Variants in PARVA observed in about 807,000 individuals in gnomAD.
The protein encoded by PARVA is alpha-parvin.
A neutral mutation model predicts 52.6 loss-of-function variants in PARVA; 25 were observed. The ratio of observed to expected loss-of-function variants is 0.48; its 90% CI spans 0.35 to 0.66. PARVA has a LOEUF of 0.66. Ranked by LOEUF, PARVA falls within the 30% of genes least tolerant of loss-of-function variation. The probability of loss-of-function intolerance (pLI) is 0.01; values close to 1 mark genes in which losing one functional copy is unlikely to be tolerated. For missense variants in PARVA, 373 were observed against 450.9 expected (o/e 0.83, Z 1.56); for synonymous variants, 185 against 179.1 (o/e 1.03, Z -0.26).
At chr11:12,486,870 G>GA (rs1286447749) in intron 4 of PARVA, among the ~76,000 whole-genome samples, 1 of 152,098 alleles carries the variant, frequency 6.6e-6, no homozygotes, top group Non-Finnish European at 1.5e-5. Flanking sequence ...AATAAAGGAA[G>GA]AAGATGAAGC....
intron 12 of PARVA, among the ~76,000 whole-genome samples, chr11:12,519,591 A>C (rs1281317234): frequency 6.6e-6 from 1 of 152,196 alleles, no homozygotes; most frequent in Non-Finnish European, 1.5e-5. Context: ...TGATGGAGAC[A>C]GTGGGGCTCA....
chr11:12,496,345 A>AGCGTGCATGCATGCAT, intron 4 of PARVA, 113 bp from the exon 5 acceptor site: 1 of 861,990 alleles, frequency 1.2e-6, no homozygotes, highest in Non-Finnish European at 1.8e-6. Flanking sequence ...TATTGTTGCA[A>AGCGTGCATGCATGCAT]GAGTGCATGC....
Position 12,518,402 on chromosome 11 carries a change from CT to C in PARVA, c.970-42del, listed in dbSNP as rs781026785. ...TTCCCAGGGCCAGGTCCTGGGGCTCCTGGGTGTGCAATGGTACATGCTGTCT... is the reference window on the plus strand; with the variant it reads ...TTCCCAGGGCCAGGTCCTGGGGCTCCGGGTGTGCAATGGTACATGCTGTCT... On this transcript the variant is annotated intron_variant, in intron 11 of 12. Coordinates refer to ENST00000334956, the MANE Select transcript of PARVA (RefSeq NM_018222.5). The C allele has an allele frequency of 5.7e-5, 85 of 1,498,292 alleles. No homozygotes were observed. In the South Asian group the frequency reaches 8.8e-4, roughly 15 times the overall value. The allele number at this position is 1,498,292 out of a possible 1,614,324, so 92.8% of individuals were successfully genotyped here.
chr11:12,474,763 A>G (rs541104385), intron 3 of PARVA, among the ~76,000 whole-genome samples: 2 of 151,536 alleles, frequency 1.3e-5, no homozygotes, highest in Non-Finnish European at 2.9e-5. Flanking sequence ...AAAGTAGCCA[A>G]GTGTGGTGGC....
intron 12 of PARVA, among the ~76,000 whole-genome samples, chr11:12,527,532 T>C (rs1195874479): frequency 2.7e-5 from 4 of 148,850 alleles, no homozygotes; most frequent in Non-Finnish European, 5.9e-5. Context: ...GGTCTTCCAC[T>C]GCAGCCCCAG....
At chr11:12,526,687 A>G (rs769574782) in intron 12 of PARVA, among the ~76,000 whole-genome samples, 79 of 152,220 alleles carry the variant, frequency 5.2e-4, no homozygotes, top group Admixed American at 1.1e-3. Flanking sequence ...GAGTCCAGTC[A>G]TCAAGGTTTT....
rs768616767 is a variant in PARVA at position 12,504,360 on chromosome 11, T to C, written c.588T>C (p.Ala196=). 6.8e-6 allele frequency: 11 copies of C among 1,613,816 alleles called. No homozygotes were observed. The Admixed American group carries it at 8.3e-5, about 12-fold the overall frequency. The change falls in exon 6 of 13, where the codon GCT becomes GCC. Residue 196 remains alanine, a synonymous_variant. Transcript: ENST00000334956. ...TGGCCATCTTACACCTGCTCGTTGCTCTGTCTCAGTATTTCCGCGCACCAA... is the reference window on the plus strand; with the variant it reads ...TGGCCATCTTACACCTGCTCGTTGCCCTGTCTCAGTATTTCCGCGCACCAA... ...SLVAILHLLV[A]LSQYFRAPIR...
At chr11:12,391,906 T>A (rs541654899) in intron 1 of PARVA, among the ~76,000 whole-genome samples, 3 of 152,134 alleles carry the variant, frequency 2.0e-5, no homozygotes, top group Admixed American at 6.5e-5. Flanking sequence ...ATGGCATAAT[T>A]CAGTGGTCTT....
chr11:12,377,574 CCCG>C lies in PARVA; in HGVS notation c.-65_-63del. On this transcript the variant is annotated 5_prime_UTR_variant, in exon 1 of 13. Coordinates refer to ENST00000334956, the MANE Select transcript of PARVA (RefSeq NM_018222.5). The stretch of plus-strand genomic sequence containing the variant: ...CCGTTTGGAAAGCCGCAGCCTCAGT[CCCG>C]CCGCCGCCCGCTGCGTCCGCCCAGC... 2 of 1,496,962 alleles carry C rather than the reference CCCG, an allele frequency of 1.3e-6. No homozygotes were observed. The highest frequency in any genetic ancestry group is 1.5e-5 in the African/African-American group (1 of 68,314). 92.7% of individuals were successfully genotyped at this position (1,496,962 alleles called of 1,614,324 possible). A position where few individuals can be genotyped will look rare whatever the true frequency, so the allele number is the denominator to read the frequency against.
chr11:12,461,263 G>T (rs1478805741), intron 1 of PARVA, among the ~76,000 whole-genome samples: 2 of 152,094 alleles, frequency 1.3e-5, no homozygotes, highest in South Asian at 2.1e-4. Flanking sequence ...GGCTGTCCTT[G>T]GTTTAGGTGG....
rs1278910472 is a variant in PARVA at position 12,535,318 on chromosome 11, T to A, written c.*7393T>A. ...CTTTGTGTTTATGGATTAAATGGCT[T>A]TCTGACCAGCATCCCTTTGGTGTGC... is the stretch of plus-strand genomic sequence containing the variant. On this transcript the variant is annotated 3_prime_UTR_variant, in exon 13 of 13. Coordinates refer to ENST00000334956, the MANE Select transcript of PARVA (RefSeq NM_018222.5). Among the ~76,000 whole-genome samples, 1 of 152,236 alleles carries A rather than the reference T, an allele frequency of 6.6e-6. No homozygotes were observed. Among genetic ancestry groups the A allele is most frequent in the East Asian group, 1.9e-4 (1 of 5,198 alleles).
rs146878766 is a variant in PARVA, at chr11:12,380,327, C to T, written c.136+2544C>T. 9.2e-4 allele frequency among the ~76,000 whole-genome samples: 139 copies of T among 150,660 alleles called. 11 individuals are homozygous for T. The highest frequency in any genetic ancestry group is 3.1e-3 in the East Asian group (16 of 5,180). ...AACAGGAGGAAGCTCTTAATCACTCCGAGGCCTGAGGGACAAGGGAAGCAA... is the reference window on the plus strand; with the variant it reads ...AACAGGAGGAAGCTCTTAATCACTCTGAGGCCTGAGGGACAAGGGAAGCAA... On this transcript the variant is annotated intron_variant, in intron 1 of 12. Coordinates refer to ENST00000334956, the MANE Select transcript of PARVA (RefSeq NM_018222.5).
intron 1 of PARVA, among the ~76,000 whole-genome samples, chr11:12,404,811 A>T (rs745365442): frequency 6.6e-6 from 1 of 152,198 alleles, no homozygotes; most frequent in Non-Finnish European, 1.5e-5. Context: ...CCATCGTTAC[A>T]TCCTCATCTT....
intron 1 of PARVA, among the ~76,000 whole-genome samples, chr11:12,456,387 T>G (rs1163100223): frequency 6.6e-6 from 1 of 152,160 alleles, no homozygotes; most frequent in Non-Finnish European, 1.5e-5. Flanking sequence ...TCTACCTTTC[T>G]ACAGAGCCCA....
intron 1 of PARVA, among the ~76,000 whole-genome samples, chr11:12,404,196 T>C (rs539186918): frequency 6.6e-6 from 1 of 152,250 alleles, no homozygotes; most frequent in South Asian, 2.1e-4. Context: ...TTATTCATTT[T>C]TTCAGCAAAT....
intron 1 of PARVA, among the ~76,000 whole-genome samples, chr11:12,388,022 G>A (rs1301854395): frequency 1.3e-5 from 2 of 151,976 alleles, no homozygotes; most frequent in Non-Finnish European, 2.9e-5. Context: ...ATCCCCTCTT[G>A]CCCATCTCAG....
At chr11:12,521,246 CACTTCATTTGG>C (rs1282765501) in intron 12 of PARVA, among the ~76,000 whole-genome samples, 3 of 152,178 alleles carry the variant, frequency 2.0e-5, no homozygotes, top group Non-Finnish European at 4.4e-5. Context: ...TCCAGGTGAT[CACTTCATTTGG>C]GGAAGACTTG....
chr11:12,378,128 G>T (rs147243337), intron 1 of PARVA, among the ~76,000 whole-genome samples: 2,367 of 151,830 alleles, frequency 0.016, 24 homozygotes, highest in South Asian at 0.023. Context: ...GCCCCAGCCC[G>T]CAGACAGTGC....
chr11:12,386,614 T>C (rs1589936992), intron 1 of PARVA, among the ~76,000 whole-genome samples: 1 of 152,314 alleles, frequency 6.6e-6, no homozygotes. Flanking sequence ...GTTATTAGAA[T>C]TTCTGTGGAA....
Sources: gnomAD v4.1 joint callset for allele counts (sites outside exome capture counted in the v4.1 genomes callset) on GRCh38, gnomAD v4.1.1 for gene constraint, MANE v1.5 for transcripts, NCBI Gene and HGNC (gene_info 2026-07-23, HGNC 2026-07-21) for gene names.